The following DPP10 variants were observed in gnomAD, a reference collection of about 807,000 sequenced individuals.
DPP10 encodes inactive dipeptidyl peptidase 10.
In DPP10, 33 loss-of-function variants were observed where a neutral mutation model predicts 120.9. The ratio of observed to expected loss-of-function variants is 0.27; its 90% CI spans 0.21 to 0.37. DPP10 has a LOEUF of 0.37. DPP10 is among the 10% of genes least tolerant of loss of function. DPP10 has a pLI of 1.00. For missense variants in DPP10, 816 were observed against 942.8 expected (o/e 0.87, Z 1.76); for synonymous variants, 337 against 326.1 (o/e 1.03, Z -0.36).
At chr2:115,686,802 C>A (rs1381630881) in intron 5 of DPP10, among the ~76,000 whole-genome samples, 2 of 152,014 alleles carry the variant, frequency 1.3e-5, no homozygotes, top group East Asian at 3.9e-4. Context: ...TAACTATTCA[C>A]ACTCTAATAA....
rs751063985 is a variant in DPP10, at chr2:115,309,329, A to G, written c.151A>G (p.Met51Val). ...VILVVCSLIT[M>V]SVILLTPDEL... ...TTTAGTTGTATGCTCACTCATCACT[A>G]TGTCAGTCATCCTCTTAACCCCAGG... Residue 51 changes from methionine (M) to valine (V), a missense_variant, in exon 2 of 26, where the codon ATG becomes GTG. By Grantham distance (21) the Met-to-Val change is conservative. Around this residue, in one of 3 missense-constraint regions of DPP10, gnomAD observed 182 missense variants for 207.4 expected, o/e 0.88. Transcript: ENST00000410059. 7 of 1,613,386 alleles carry G rather than the reference A, an allele frequency of 4.3e-6. No homozygotes were observed. Among genetic ancestry groups the G allele is most frequent in the Non-Finnish European group, 5.9e-6 (7 of 1,179,548 alleles).
chr2:115,113,448 C>T (rs79318901), intron 1 of DPP10, among the ~76,000 whole-genome samples: 8,511 of 151,934 alleles, frequency 0.056, 306 homozygotes, highest in East Asian at 0.15. Flanking sequence ...CTTTTTTGCC[C>T]ATAAGAATCC....
chr2:115,753,502 A>G (rs1679017351), intron 11 of DPP10, among the ~76,000 whole-genome samples: 1 of 152,192 alleles, frequency 6.6e-6, no homozygotes, highest in African/African-American at 2.4e-5. Flanking sequence ...GATAAGCAGA[A>G]GAGAACAAAC....
intron 5 of DPP10, among the ~76,000 whole-genome samples, chr2:115,584,369 CAATAA>C (rs1411864731): frequency 6.6e-6 from 1 of 150,828 alleles, no homozygotes; most frequent in Non-Finnish European, 1.5e-5. Flanking sequence ...AATCTGCAAG[CAATAA>C]AATAAAGAAG....
chr2:114,672,916 C>A (rs1272729922), intron 1 of DPP10, among the ~76,000 whole-genome samples: 1 of 152,100 alleles, frequency 6.6e-6, no homozygotes. Flanking sequence ...TGGGATATTG[C>A]TAACAGTGAT....
In DPP10 at chr2:114,834,664, AG is replaced by A. The variant is rs1328474463; in HGVS notation, c.60+391828del. On this transcript the variant is annotated intron_variant, in intron 1 of 25. Coordinates refer to ENST00000410059, the MANE Select transcript of DPP10 (RefSeq NM_020868.6). ...TATCTACACACCTATGTATATATAT[AG>A]GCCATATCTACACACCTATGTATAT... 9.0e-4 allele frequency among the ~76,000 whole-genome samples: 114 copies of A among 127,154 alleles called. 8 individuals are homozygous for A. The highest frequency in any genetic ancestry group is 2.9e-3 in the African/African-American group (86 of 30,134). 83.4% of individuals were successfully genotyped at this position (127,154 alleles called of 152,430 possible). A position where few individuals can be genotyped will look rare whatever the true frequency, so the allele number is the denominator to read the frequency against.
intron 13 of DPP10, among the ~76,000 whole-genome samples, chr2:115,769,024 A>G (rs1292865228): frequency 6.6e-6 from 1 of 152,076 alleles, no homozygotes; most frequent in African/African-American, 2.4e-5. Flanking sequence ...GGGTTTATAC[A>G]GTTTTATTAT....
At chr2:114,734,376 G>C (rs72830379) in intron 1 of DPP10, among the ~76,000 whole-genome samples, 2 of 152,226 alleles carry the variant, frequency 1.3e-5, no homozygotes, top group African/African-American at 4.8e-5. Context: ...ATCTTGACCT[G>C]AACATTCCTT....
intron 5 of DPP10, among the ~76,000 whole-genome samples, chr2:115,568,517 T>A (rs186224119): frequency 2.2e-4 from 34 of 151,924 alleles, no homozygotes; most frequent in African/African-American, 7.7e-4. Flanking sequence ...CTCAGTATAT[T>A]TTAATTTGTA....
intron 1 of DPP10, among the ~76,000 whole-genome samples, chr2:115,224,196 G>C (rs898115872): frequency 6.6e-6 from 1 of 152,010 alleles, no homozygotes; most frequent in Non-Finnish European, 1.5e-5. Flanking sequence ...GTGCAAAGTG[G>C]GGTCTGGATC....
At chr2:115,187,268 C>T (rs1027120824) in intron 1 of DPP10, among the ~76,000 whole-genome samples, 1 of 151,560 alleles carries the variant, frequency 6.6e-6, no homozygotes, top group Non-Finnish European at 1.5e-5. Flanking sequence ...GATCTCCTGA[C>T]CTCATGATCC....
intron 3 of DPP10, among the ~76,000 whole-genome samples, chr2:115,427,817 C>G (rs1021477711): frequency 1.1e-4 from 16 of 152,276 alleles, no homozygotes; most frequent in African/African-American, 3.4e-4. Context: ...TTGTTTCTAC[C>G]CCACAGCCAG....
chr2:115,463,041 A>T (rs2105089277), intron 3 of DPP10, among the ~76,000 whole-genome samples: 1 of 152,246 alleles, frequency 6.6e-6, no homozygotes, highest in African/African-American at 2.4e-5. Flanking sequence ...ATAATTTTTA[A>T]TTAATTTATT....
intron 1 of DPP10, among the ~76,000 whole-genome samples, chr2:115,200,685 T>TGTCACAGAGTGG (rs1343636972): frequency 6.6e-6 from 1 of 152,230 alleles, no homozygotes; most frequent in Non-Finnish European, 1.5e-5. Flanking sequence ...ACACAGAATG[T>TGTCACAGAGTGG]TCTACCTAGG....
At chr2:114,672,486 C>T (rs775101604) in intron 1 of DPP10, among the ~76,000 whole-genome samples, 3 of 152,134 alleles carry the variant, frequency 2.0e-5, no homozygotes, top group South Asian at 2.1e-4. Flanking sequence ...TGTGTCAATA[C>T]TTTCTGAGTA....
intron 7 of DPP10, among the ~76,000 whole-genome samples, chr2:115,695,493 A>C (rs1361179636): frequency 6.6e-6 from 1 of 152,144 alleles, no homozygotes; most frequent in Non-Finnish European, 1.5e-5. Context: ...CTTACATGGC[A>C]GTGGGCAGGA....
intron 3 of DPP10, among the ~76,000 whole-genome samples, chr2:115,402,851 A>AT (rs1251244893): frequency 3.3e-3 from 210 of 62,742 alleles, no homozygotes; most frequent in African/African-American, 7.4e-3. Flanking sequence ...GGAAAAAAAA[A>AT]AAAATATATA....
At chr2:115,029,422 T>C (rs751043638) in intron 1 of DPP10, among the ~76,000 whole-genome samples, 1 of 151,896 alleles carries the variant, frequency 6.6e-6, no homozygotes, top group Non-Finnish European at 1.5e-5. Flanking sequence ...AGTGGATTTC[T>C]ACCTGTATTT....
intron 7 of DPP10, among the ~76,000 whole-genome samples, chr2:115,692,578 G>T (rs1007957434): frequency 1.1e-4 from 16 of 151,882 alleles, no homozygotes; most frequent in African/African-American, 3.4e-4. Flanking sequence ...AACTCTGATT[G>T]GCCAACCCTC....
Sources: gnomAD v4.1 joint callset for allele counts (sites outside exome capture counted in the v4.1 genomes callset) on GRCh38, gnomAD v4.1.1 for gene constraint, gnomAD v4.1.1 regional missense constraint, MANE v1.5 for transcripts, NCBI Gene and HGNC (gene_info 2026-07-23, HGNC 2026-07-21) for gene names.